Variants in MEIG1 observed in about 807,000 individuals in gnomAD.
MEIG1 encodes the protein meiosis expressed gene 1 protein homolog.
MEIG1 carries 12 observed loss-of-function variants against 11.3 expected under a neutral mutation model. The ratio of observed to expected loss-of-function variants is 1.07; its 90% CI spans 0.68 to 1.73. The LOEUF (loss-of-function observed/expected upper bound fraction) is 1.73. Ranked by LOEUF, MEIG1 falls within the 40% of genes most tolerant of loss-of-function variation. The pLI is 0.00. For missense variants in MEIG1, 119 were observed against 104.9 expected (o/e 1.13, Z -0.59); for synonymous variants, 41 against 33.2 (o/e 1.24, Z -0.81).
At chr10:14,984,378 A>G (rs1192986796) in intron 1 of MEIG1, among the ~76,000 whole-genome samples, 5 of 152,082 alleles carry the variant, frequency 3.3e-5, no homozygotes, top group Non-Finnish European at 7.4e-5. Context: ...TCACCGGGGT[A>G]TACACCCTGC....
chr10:14,966,968 A>G (rs10159615), intron 2 of MEIG1, among the ~76,000 whole-genome samples: 97,405 of 151,890 alleles, frequency 0.64, 31,549 homozygotes, highest in Admixed American at 0.68. Flanking sequence ...TCCTGACCTC[A>G]AGTGATCCAC....
At chr10:14,983,065 T>C (rs963746971) in intron 1 of MEIG1, among the ~76,000 whole-genome samples, 15 of 152,236 alleles carry the variant, frequency 9.9e-5, no homozygotes, top group Admixed American at 5.2e-4. Flanking sequence ...TTATGCCTAA[T>C]ACCCCAGTGG....
downstream of MEIG1, among the ~76,000 whole-genome samples, chr10:14,976,080 C>CGG (rs756366094): frequency 7.2e-5 from 11 of 152,210 alleles, no homozygotes; most frequent in Middle Eastern, 6.8e-3. Flanking sequence ...CCCCGCATCG[C>CGG]GGGGGGCGTC....
chr10:14,979,015 A>G lies in MEIG1; in HGVS notation n.66+6395A>G, dbSNP rs1055458149. ...TGTCACCCGGCGTGTACACCTTGTG[A>G]TATTATTCGTAATATCCTGGTGGGA... is the stretch of plus-strand genomic sequence containing the variant. On this transcript the variant is annotated intron_variant and non_coding_transcript_variant, in intron 1 of 2. Coordinates refer to the MEIG1 transcript ENST00000467536. 2.0e-5 allele frequency among the ~76,000 whole-genome samples: 3 copies of G among 152,044 alleles called. No individual in the cohort carries two copies. In the South Asian group the frequency reaches 6.2e-4, roughly 31 times the overall value.
chr10:14,954,403 A>C (rs185620639), upstream of MEIG1: 20 of 335,458 alleles, frequency 6.0e-5, no homozygotes, highest in Admixed American at 5.5e-4. Flanking sequence ...TGGGCTGCGG[A>C]ACTGCGCTTA....
intron 1 of MEIG1, among the ~76,000 whole-genome samples, chr10:14,981,718 G>A (rs986728342): frequency 9.9e-5 from 15 of 152,122 alleles, no homozygotes; most frequent in Non-Finnish European, 1.3e-4. Context: ...CTCCTGTTCT[G>A]AGTCATCTTG....
intron 1 of MEIG1, among the ~76,000 whole-genome samples, chr10:14,979,093 T>A (rs1843239295): frequency 6.6e-6 from 1 of 152,024 alleles, no homozygotes; most frequent in South Asian, 2.1e-4. Context: ...ATCCGTTATA[T>A]CCTCATGGGT....
intron 1 of MEIG1, among the ~76,000 whole-genome samples, chr10:14,978,711 T>C (rs1843235050): frequency 6.6e-6 from 1 of 152,066 alleles, no homozygotes; most frequent in African/African-American, 2.4e-5. Context: ...TTAGCCGTGA[T>C]ATCCTAAAAA....
At chr10:14,964,426 A>T (rs7095219) in intron 1 of MEIG1, among the ~76,000 whole-genome samples, 97,166 of 151,460 alleles carry the variant, frequency 0.64, 31,468 homozygotes, top group Admixed American at 0.69. Flanking sequence ...ATTTATTAGA[A>T]GATCCTTTTA....
rs7898700 is a variant in MEIG1 at position 14,981,514 on chromosome 10, G to C, written n.67-5282G>C. 8.1e-3 allele frequency among the ~76,000 whole-genome samples: 1,227 copies of C among 152,256 alleles called. 14 individuals are homozygous for C. Among genetic ancestry groups the C allele is most frequent in the African/African-American group, 0.028 (1,174 of 41,524 alleles). On this transcript the variant is annotated intron_variant and non_coding_transcript_variant, in intron 1 of 2. Coordinates refer to the MEIG1 transcript ENST00000467536. ...CCCCGTGGCTCCGGTGATGTCAAGA[G>C]TCTTTTTGGATAAGGGGGCGACCGG...
chr10:14,985,999 A>C (rs11259418), intron 1 of MEIG1, among the ~76,000 whole-genome samples: 69 of 152,114 alleles, frequency 4.5e-4, no homozygotes, highest in African/African-American at 1.6e-3. Flanking sequence ...ATTTTTCATC[A>C]TACTTTAGGG....
chr10:14,964,496 T>A (rs1325239112), intron 1 of MEIG1, among the ~76,000 whole-genome samples: 1 of 151,500 alleles, frequency 6.6e-6, no homozygotes, highest in Non-Finnish European at 1.5e-5. Flanking sequence ...TTACCCAGTA[T>A]GAAGGATGGA....
chr10:14,980,053 G>A (rs979792788), intron 1 of MEIG1, among the ~76,000 whole-genome samples: 1 of 151,758 alleles, frequency 6.6e-6, no homozygotes, highest in Non-Finnish European at 1.5e-5. Context: ...TGTGCACGCC[G>A]TGATATTATT....
chr10:14,983,272 G>C (rs1016841280), intron 1 of MEIG1, among the ~76,000 whole-genome samples: 1 of 152,112 alleles, frequency 6.6e-6, no homozygotes, highest in Admixed American at 6.5e-5. Flanking sequence ...AATATTCACG[G>C]AAGAAGAGAA....
intron 1 of MEIG1, among the ~76,000 whole-genome samples, chr10:14,983,123 A>C (rs1231606407): frequency 6.6e-6 from 1 of 152,052 alleles, no homozygotes; most frequent in African/African-American, 2.4e-5. Flanking sequence ...GGAGGGAGAG[A>C]GCATGATATT....
chr10:14,956,198 G>A (rs1212158138), upstream of MEIG1, among the ~76,000 whole-genome samples: 2 of 152,226 alleles, frequency 1.3e-5, no homozygotes, highest in Admixed American at 1.3e-4. Context: ...AACTCTGGGA[G>A]AGTGGGGCCT....
intron 1 of MEIG1, among the ~76,000 whole-genome samples, chr10:14,979,437 C>T (rs564805011): frequency 6.6e-6 from 1 of 151,586 alleles, no homozygotes; most frequent in African/African-American, 2.4e-5. Context: ...AATATACTAG[C>T]GGGATACTAC....
intron 1 of MEIG1, among the ~76,000 whole-genome samples, chr10:14,966,209 G>A (rs112371999): frequency 2.4e-4 from 36 of 151,760 alleles, no homozygotes; most frequent in African/African-American, 8.0e-4. Context: ...GATGACAGGC[G>A]TGCACCACCA....
chr10:14,972,423 A>T, intron 2 of MEIG1, 90 bp from the exon 3 acceptor site: 1 of 1,535,236 alleles, frequency 6.5e-7, no homozygotes, highest in South Asian at 1.1e-5. Context: ...TTGTTTCTGT[A>T]AGTCATACTT....
Sources: gnomAD v4.1 joint callset for allele counts (sites outside exome capture counted in the v4.1 genomes callset) on GRCh38, gnomAD v4.1.1 for gene constraint, MANE v1.5 for transcripts, NCBI Gene and HGNC (gene_info 2026-07-23, HGNC 2026-07-21) for gene names.